DMXL1: variants seen among roughly 807,000 people sequenced by gnomAD.
DMXL1 encodes the protein dmX-like protein 1.
Under a neutral mutation model 319.2 loss-of-function variants are expected in DMXL1, and 99 were observed. That is an observed-to-expected ratio of 0.31 (90% CI 0.26 to 0.37). The LOEUF (loss-of-function observed/expected upper bound fraction) is 0.37. DMXL1 is among the 10% of genes least tolerant of loss of function. The pLI is 1.00. For synonymous variants in DMXL1, 1,385 were observed against 1,235.2 expected (o/e 1.12, Z -2.54); for missense variants, 3,745 against 3,595.6 (o/e 1.04, Z -1.06).
chr5:119,100,284 AC>A (rs1457105753), intron 2 of DMXL1, among the ~76,000 whole-genome samples: 6 of 151,714 alleles, frequency 4.0e-5, no homozygotes, highest in Non-Finnish European at 7.4e-5. Context: ...AAAAAAAAAA[AC>A]ATTAGCTGGG....
At chr5:119,173,395 A>C (rs2150281599) in intron 25 of DMXL1, among the ~76,000 whole-genome samples, 1 of 151,950 alleles carries the variant, frequency 6.6e-6, no homozygotes, top group South Asian at 2.1e-4. Context: ...TGGCTTAAAA[A>C]GCCATCATTT....
chr5:119,091,708 C>G (rs921772290), intron 1 of DMXL1, among the ~76,000 whole-genome samples: 1 of 152,224 alleles, frequency 6.6e-6, no homozygotes, highest in African/African-American at 2.4e-5. Flanking sequence ...AAAGGGCTGC[C>G]GTTCCTAAAG....
At chr5:119,209,170 C>T (rs1782291772) in intron 34 of DMXL1, among the ~76,000 whole-genome samples, 1 of 152,196 alleles carries the variant, frequency 6.6e-6, no homozygotes, top group South Asian at 2.1e-4. Flanking sequence ...AATATTCATG[C>T]AAAAGTCACA....
chr5:119,117,303 A>G (rs1174919485), intron 7 of DMXL1, among the ~76,000 whole-genome samples: 1 of 152,094 alleles, frequency 6.6e-6, no homozygotes, highest in African/African-American at 2.4e-5. Context: ...AGTCTCCCAA[A>G]GTGCTGGAAT....
chr5:119,194,890 A>G (rs1779334643), intron 30 of DMXL1, among the ~76,000 whole-genome samples: 1 of 152,134 alleles, frequency 6.6e-6, no homozygotes, highest in Non-Finnish European at 1.5e-5. Flanking sequence ...CCCGATCTAT[A>G]TTTCTAAAAA....
intron 1 of DMXL1, among the ~76,000 whole-genome samples, chr5:119,089,543 A>C (rs543151139): frequency 6.7e-6 from 1 of 150,126 alleles, no homozygotes; most frequent in South Asian, 2.1e-4. Flanking sequence ...CCTGGCCTCA[A>C]GTGATCTACC....
chr5:119,088,033 T>C lies in DMXL1; in HGVS notation c.88-9946T>C, dbSNP rs552412010. On this transcript the variant is annotated intron_variant, in intron 1 of 43. Transcript: ENST00000539542. ...GCTAGACTGGCCTCGAACTCCTGAC[T>C]TCAGGTGATCTGCCAGCCTCCGCCT... Among the ~76,000 whole-genome samples, 24 of 152,194 alleles carry C rather than the reference T, an allele frequency of 1.6e-4. No homozygotes were observed. The East Asian group carries it at 3.1e-3, about 20-fold the overall frequency.
intron 34 of DMXL1, among the ~76,000 whole-genome samples, chr5:119,211,020 T>TG (rs1208529669): frequency 2.1e-4 from 32 of 149,966 alleles, no homozygotes; most frequent in Middle Eastern, 3.4e-3. Context: ...TTTTTTTTTT[T>TG]GCCTACTATT....
rs114425105 is a variant in DMXL1 at position 119,115,331 on chromosome 5, C to A, written c.564+790C>A. On this transcript the variant is annotated intron_variant, in intron 6 of 43. Coordinates refer to ENST00000539542, the MANE Select transcript of DMXL1 (RefSeq NM_001290321.3). ...TAATATATAAGACTTCATAGGCTTT[C>A]TAGAAAGATACTAGTAACCATTTCT... Among the ~76,000 whole-genome samples, 1,175 of 152,276 alleles carry A rather than the reference C, an allele frequency of 7.7e-3. 3 individuals are homozygous for A. The highest frequency in any genetic ancestry group is 0.012 in the Non-Finnish European group (850 of 68,014).
intron 3 of DMXL1, 87 bp downstream of exon 3, chr5:119,102,093 C>A: frequency 1.2e-6 from 1 of 808,342 alleles, no homozygotes; most frequent in Non-Finnish European, 2.0e-6. Flanking sequence ...TTGAGTAAAT[C>A]GGTATTACTT....
At chr5:119,140,824 A>T (rs6889308) in intron 13 of DMXL1, among the ~76,000 whole-genome samples, 37,287 of 152,054 alleles carry the variant, frequency 0.25, 5,375 homozygotes, top group Non-Finnish European at 0.34. Context: ...CTTTAGCCCA[A>T]TATCCTCTAT....
chr5:119,113,098 A>T (rs750223501), intron 5 of DMXL1, among the ~76,000 whole-genome samples: 10 of 152,248 alleles, frequency 6.6e-5, no homozygotes, highest in Non-Finnish European at 1.2e-4. Context: ...AACAGCAGTG[A>T]AAAATTATTT....
Position 119,183,232 on chromosome 5 carries a change from A to C in DMXL1, c.7135+4988A>C, listed in dbSNP as rs148197349. ...TTTCTTATAAAACTTGTGTAAAAACAAAAGTTCTGTATTCAGTAGTCAGTG... is the reference window on the plus strand; with the variant it reads ...TTTCTTATAAAACTTGTGTAAAAACCAAAGTTCTGTATTCAGTAGTCAGTG... On this transcript the variant is annotated intron_variant, in intron 28 of 43. Coordinates refer to ENST00000539542, the MANE Select transcript of DMXL1 (RefSeq NM_001290321.3). 8.5e-5 allele frequency among the ~76,000 whole-genome samples: 13 copies of C among 152,360 alleles called. No homozygotes were observed. In the East Asian group the frequency reaches 2.5e-3, roughly 29 times the overall value.
At chr5:119,094,958 T>C (rs921472388) in intron 1 of DMXL1, among the ~76,000 whole-genome samples, 1 of 151,986 alleles carries the variant, frequency 6.6e-6, no homozygotes, top group Non-Finnish European at 1.5e-5. Context: ...TAGGCTCAGG[T>C]TATCCTCCCA....
At position 119,233,425 on chromosome 5, in the gene DMXL1, T is replaced by C; in HGVS notation, c.8424T>C (p.Asn2808=). ...QQITCFRSGG[N]SRVTRMRFNY... Reference sequence around the variant, plus strand: ...TAACCTGTTTTCGATCTGGTGGCAATTCAAGAGTTACAAGAATGAGATTTA... The same window carrying C: ...TAACCTGTTTTCGATCTGGTGGCAACTCAAGAGTTACAAGAATGAGATTTA... The change falls in exon 39 of 44, where the codon AAT becomes AAC. Residue 2808 remains asparagine (N), a synonymous_variant. Coordinates refer to ENST00000539542, the MANE Select transcript of DMXL1 (RefSeq NM_001290321.3). 1 of 1,612,318 alleles carries C rather than the reference T, an allele frequency of 6.2e-7. No homozygotes were observed. The highest frequency in any genetic ancestry group is 8.5e-7 in the Non-Finnish European group (1 of 1,178,688).
At chr5:119,221,353 G>A (rs1277224087) in intron 37 of DMXL1, among the ~76,000 whole-genome samples, 1 of 152,130 alleles carries the variant, frequency 6.6e-6, no homozygotes, top group African/African-American at 2.4e-5. Context: ...TCAGGCTTCA[G>A]CAAGGTGTTC....
chr5:119,121,427 G>C (rs933746712), intron 9 of DMXL1, among the ~76,000 whole-genome samples: 4 of 151,906 alleles, frequency 2.6e-5, no homozygotes, highest in African/African-American at 9.7e-5. Context: ...AGGACCCTGC[G>C]GCCTTCCGCT....
At chr5:119,226,686 A>G (rs113713860) in intron 38 of DMXL1, among the ~76,000 whole-genome samples, 1 of 152,118 alleles carries the variant, frequency 6.6e-6, no homozygotes, top group Admixed American at 6.6e-5. Context: ...ACTGCTCCTT[A>G]CTTCAGACAC....
intron 2 of DMXL1, among the ~76,000 whole-genome samples, chr5:119,099,055 A>G (rs1756628258): frequency 6.6e-6 from 1 of 152,128 alleles, no homozygotes; most frequent in Non-Finnish European, 1.5e-5. Flanking sequence ...TCTTTTTGTT[A>G]CATGGTATTC....
Sources: gnomAD v4.1 joint callset for allele counts (sites outside exome capture counted in the v4.1 genomes callset) on GRCh38, gnomAD v4.1.1 for gene constraint, MANE v1.5 for transcripts, NCBI Gene and HGNC (gene_info 2026-07-23, HGNC 2026-07-21) for gene names.